The following TBPL1 variants were observed in gnomAD, a reference collection of about 807,000 sequenced individuals.
The protein encoded by TBPL1 is TATA box-binding protein-like 1.
In TBPL1, 4 loss-of-function variants were observed where a neutral mutation model predicts 22.1. That is an observed-to-expected ratio of 0.18 (90% confidence interval 0.09 to 0.41). The LOEUF (loss-of-function observed/expected upper bound fraction) is 0.41. TBPL1 is among the 10% of genes least tolerant of loss of function. TBPL1 has a pLI of 1.00. For missense variants in TBPL1, 115 were observed against 222.3 expected, an observed-to-expected ratio of 0.52 and a Z score of 3.07; for synonymous variants, 64 against 71.0, an observed-to-expected ratio of 0.90 and a Z score of 0.50.
intron 4 of TBPL1, among the ~76,000 whole-genome samples, chr6:133,983,785 C>T (rs1686376312): frequency 6.6e-6 from 1 of 151,932 alleles, no homozygotes; most frequent in African/African-American, 2.4e-5. Flanking sequence ...TTAATGTTAA[C>T]AGCATTATTT....
intron 1 of TBPL1, among the ~76,000 whole-genome samples, chr6:133,967,575 G>A (rs776656802): frequency 1.3e-5 from 2 of 152,150 alleles, no homozygotes; most frequent in African/African-American, 2.4e-5. Flanking sequence ...TACACACCTG[G>A]GCTATGTAGT....
chr6:133,973,199 C>G (rs1385067), intron 1 of TBPL1, among the ~76,000 whole-genome samples: 96,575 of 151,986 alleles, frequency 0.64, 31,559 homozygotes, highest in African/African-American at 0.73. Flanking sequence ...TTTGAATGGC[C>G]TGTCTTTCTT....
intron 1 of TBPL1, among the ~76,000 whole-genome samples, chr6:133,966,207 C>G (rs533177119): frequency 6.6e-5 from 10 of 152,048 alleles, no homozygotes; most frequent in Non-Finnish European, 8.8e-5. Flanking sequence ...ATGTGTATGG[C>G]GCATTGGGAA....
chr6:133,981,157 G>C (rs150268474), intron 2 of TBPL1, among the ~76,000 whole-genome samples: 1 of 152,044 alleles, frequency 6.6e-6, no homozygotes, highest in South Asian at 2.1e-4. Flanking sequence ...ATTTTTAGTA[G>C]AGACGGGGTT....
rs977791447 is a variant in TBPL1 at position 133,988,529 on chromosome 6, A to G, written c.*1489A>G. On this transcript the variant is annotated 3_prime_UTR_variant, in exon 7 of 7. Transcript: ENST00000237264. ...CAACATCCTAATCTCCATATATAGT[A>G]CATTTTCCTTACTGTATTATAAAAT... The G allele has an allele frequency of 2.0e-5, 3 of 152,194 alleles. No homozygotes were observed. The highest frequency in any genetic ancestry group is 2.9e-5 in the Non-Finnish European group (2 of 68,020). The allele number at this position is 152,194 out of a possible 1,614,324, so 9.4% of individuals were successfully genotyped here.
intron 1 of TBPL1, among the ~76,000 whole-genome samples, chr6:133,958,046 G>A (rs2114320364): frequency 6.6e-6 from 1 of 152,226 alleles, no homozygotes; most frequent in East Asian, 1.9e-4. Flanking sequence ...CTTTTTTTAA[G>A]TTTTGAATTG....
At chr6:133,967,104 C>T (rs1776133544) in intron 1 of TBPL1, among the ~76,000 whole-genome samples, 1 of 152,216 alleles carries the variant, frequency 6.6e-6, no homozygotes, top group Admixed American at 6.5e-5. Context: ...CATGCTGATT[C>T]TTCCTTCAGG....
intron 5 of TBPL1, 48 bp from the exon 6 acceptor site, chr6:133,984,529 C>A: frequency 6.2e-7 from 1 of 1,608,808 alleles, no homozygotes; most frequent in Non-Finnish European, 8.5e-7. Context: ...TTTGAAATTA[C>A]TAGTCAGGGT....
chr6:133,989,590 AGAATT>A lies in TBPL1; in HGVS notation c.*2553_*2557del, dbSNP rs1476142860. ...ATTTGCGTATGAAATACACCATGAT[AGAATT>A]GAGATCTCCAATCTCCTTTCCTTTT... is the stretch of plus-strand genomic sequence containing the variant. On this transcript the variant is annotated 3_prime_UTR_variant, in exon 7 of 7. Coordinates refer to ENST00000237264, the MANE Select transcript of TBPL1 (RefSeq NM_004865.4). 2.0e-5 allele frequency: 3 copies of A among 152,188 alleles called. No homozygotes were observed. The highest frequency in any genetic ancestry group is 4.4e-5 in the Non-Finnish European group (3 of 68,028). The allele number at this position is 152,188 out of a possible 1,614,324, so 9.4% of individuals were successfully genotyped here.
At chr6:133,977,193 A>G (rs1211304677) in intron 1 of TBPL1, among the ~76,000 whole-genome samples, 29 of 152,116 alleles carry the variant, frequency 1.9e-4, no homozygotes, top group Admixed American at 1.7e-3. Flanking sequence ...TGCCTCTTTT[A>G]AAAAAGTACT....
upstream of TBPL1, chr6:133,952,406 T>G (rs1016298088): frequency 3.3e-5 from 5 of 152,594 alleles, no homozygotes; most frequent in African/African-American, 1.2e-4. The surrounding 1 kb of genome is among the most constrained non-coding windows in gnomAD (Gnocchi z 4.5). Context: ...CCCACTCCCA[T>G]CCTTCCTGGA....
At chr6:133,980,962 ATTTTT>A (rs10713725) in intron 2 of TBPL1, among the ~76,000 whole-genome samples, 1 of 97,118 alleles carries the variant, frequency 1.0e-5, no homozygotes, top group Non-Finnish European at 2.0e-5. Context: ...TAATTAATTA[ATTTTT>A]TTTTTTTTTT....
intron 1 of TBPL1, among the ~76,000 whole-genome samples, chr6:133,971,764 T>C (rs1776226353): frequency 6.6e-6 from 1 of 152,186 alleles, no homozygotes; most frequent in South Asian, 2.1e-4. Flanking sequence ...GTGTTTTGCT[T>C]ATTTTTTAAT....
intron 1 of TBPL1, among the ~76,000 whole-genome samples, chr6:133,979,769 C>T (rs538696626): frequency 1.3e-5 from 2 of 152,114 alleles, no homozygotes; most frequent in Admixed American, 6.5e-5. Flanking sequence ...ACCTCAGCCT[C>T]CCTAGTAGCT....
At chr6:133,969,235 T>C (rs1776175663) in intron 1 of TBPL1, among the ~76,000 whole-genome samples, 1 of 150,820 alleles carries the variant, frequency 6.6e-6, no homozygotes, top group Non-Finnish European at 1.5e-5. Flanking sequence ...TGTCATTGAC[T>C]GAACCATAAA....
At chr6:133,962,824 G>T (rs1046600330) in intron 1 of TBPL1, among the ~76,000 whole-genome samples, 1 of 152,170 alleles carries the variant, frequency 6.6e-6, no homozygotes. Context: ...ATTTCAGGGG[G>T]TTCCTAACCT....
intron 6 of TBPL1, among the ~76,000 whole-genome samples, chr6:133,985,165 G>C (rs1313310121): frequency 6.7e-6 from 1 of 150,252 alleles, no homozygotes; most frequent in East Asian, 2.0e-4. Context: ...TGTAGTCCCA[G>C]CTATTCGGGA....
chr6:133,966,841 C>T (rs540300018), intron 1 of TBPL1, among the ~76,000 whole-genome samples: 3 of 152,282 alleles, frequency 2.0e-5, no homozygotes, highest in East Asian at 1.9e-4. Flanking sequence ...CACTGTGGTC[C>T]GTCCTGTCAT....
At chr6:133,961,947 A>AC (rs1255743504) in intron 1 of TBPL1, among the ~76,000 whole-genome samples, 2 of 152,000 alleles carry the variant, frequency 1.3e-5, no homozygotes, top group African/African-American at 4.8e-5. Context: ...TGCTTGCCTG[A>AC]CCATTTTGTT....
Sources: allele counts gnomAD v4.1 joint callset (sites outside exome capture counted in the v4.1 genomes callset), GRCh38; gene constraint gnomAD v4.1.1; non-coding constraint Gnocchi (gnomAD v3.1); transcripts MANE v1.5; gene names NCBI Gene and HGNC (gene_info 2026-07-23, HGNC 2026-07-21).